Variants in TAFA5 observed in about 807,000 individuals in gnomAD.
TAFA5 encodes chemokine-like protein TAFA-5.
Under a neutral mutation model 15.3 loss-of-function variants are expected in TAFA5, and 6 were observed. That is an observed-to-expected ratio of 0.39 (90% CI 0.21 to 0.77). The LOEUF is 0.77. TAFA5 is among the 30% of genes least tolerant of loss of function. The pLI, the probability that TAFA5 is intolerant of heterozygous loss-of-function variation, is 0.41. For missense variants in TAFA5, 161 were observed against 193.1 expected, an observed-to-expected ratio of 0.83 and a Z score of 0.98; for synonymous variants, 103 against 80.7, an observed-to-expected ratio of 1.28 and a Z score of -1.48.
chr22:48,730,404 G>T (rs1858148683), intron 3 of TAFA5, among the ~76,000 whole-genome samples: 1 of 152,096 alleles, frequency 6.6e-6, no homozygotes, highest in Admixed American at 6.5e-5. Flanking sequence ...AAGAAAGAAA[G>T]AAAAGGCCAC....
chr22:48,708,594 A>G (rs906856447), intron 3 of TAFA5, among the ~76,000 whole-genome samples: 7 of 152,186 alleles, frequency 4.6e-5, no homozygotes, highest in South Asian at 2.1e-4. Context: ...GGGCATTCCC[A>G]TGAGGTGGCC....
At chr22:48,602,734 A>G (rs761011829) in intron 1 of TAFA5, among the ~76,000 whole-genome samples, 1 of 152,198 alleles carries the variant, frequency 6.6e-6, no homozygotes, top group East Asian at 1.9e-4. Context: ...GTGGCCTTGA[A>G]GTGTCCGGGA....
At position 48,663,104 on chromosome 22, in the gene TAFA5, G is replaced by GA. The variant is rs1927502753; in HGVS notation, c.262+16358_262+16359insA. 3.3e-5 allele frequency among the ~76,000 whole-genome samples: 4 copies of GA among 122,730 alleles called. No individual in the cohort carries two copies. In the South Asian group the frequency reaches 7.9e-4, roughly 24 times the overall value. The allele number at this position is 122,730 out of a possible 152,430, so 80.5% of individuals were successfully genotyped here. A position where few individuals can be genotyped will look rare whatever the true frequency, so the allele number is the denominator to read the frequency against. On this transcript the variant is annotated intron_variant, in intron 2 of 3. Transcript: ENST00000402357. ...GGATGAGCAGGGTGCTGGGCCCCTG[G>GA]GTGTCTTAGCTGCGGTTTTCTTTGG...
intron 2 of TAFA5, among the ~76,000 whole-genome samples, chr22:48,652,673 A>G (rs73173484): frequency 0.18 from 27,933 of 152,146 alleles, 2,925 homozygotes; most frequent in Non-Finnish European, 0.23. Flanking sequence ...CCCCACGTGG[A>G]GCACCGGCTT....
intron 3 of TAFA5, among the ~76,000 whole-genome samples, chr22:48,747,382 C>T (rs1367545898): frequency 6.6e-6 from 1 of 152,180 alleles, no homozygotes; most frequent in African/African-American, 2.4e-5. Flanking sequence ...TGGCTCTGCA[C>T]CTTCAGGGAG....
intron 1 of TAFA5, among the ~76,000 whole-genome samples, chr22:48,606,215 A>C (rs1925188729): frequency 6.6e-6 from 1 of 152,204 alleles, no homozygotes; most frequent in Non-Finnish European, 1.5e-5. Context: ...TCCCACCTCC[A>C]GGAATTTGTC....
intron 1 of TAFA5, among the ~76,000 whole-genome samples, chr22:48,593,919 A>G (rs1010887164): frequency 1.3e-5 from 2 of 152,212 alleles, no homozygotes; most frequent in African/African-American, 4.8e-5. Context: ...CTGCAGCCCA[A>G]GGAGACCTCA....
At chr22:48,514,575 G>T (rs548472782) in intron 1 of TAFA5, among the ~76,000 whole-genome samples, 2 of 152,042 alleles carry the variant, frequency 1.3e-5, no homozygotes, top group Non-Finnish European at 2.9e-5. Flanking sequence ...ACCGAGAACC[G>T]CCCTGCAGAC....
At chr22:48,744,607 T>C (rs1930274423) in intron 3 of TAFA5, among the ~76,000 whole-genome samples, 1 of 152,144 alleles carries the variant, frequency 6.6e-6, no homozygotes, top group Non-Finnish European at 1.5e-5. Flanking sequence ...AGACACAGCC[T>C]CCTCGTTAGA....
At chr22:48,565,304 C>T (rs1923373383) in intron 1 of TAFA5, among the ~76,000 whole-genome samples, 1 of 152,200 alleles carries the variant, frequency 6.6e-6, no homozygotes, top group South Asian at 2.1e-4. Context: ...GGAAGTGGCC[C>T]TCCTAGCGGT....
At chr22:48,749,572 G>A (rs994734578) in intron 3 of TAFA5, among the ~76,000 whole-genome samples, 7 of 152,354 alleles carry the variant, frequency 4.6e-5, no homozygotes, top group African/African-American at 1.4e-4. Flanking sequence ...GGCAAGTGGG[G>A]TGGGAAGGCC....
chr22:48,719,559 G>C (rs1025439281), intron 3 of TAFA5, among the ~76,000 whole-genome samples: 17 of 147,498 alleles, frequency 1.2e-4, no homozygotes, highest in African/African-American at 4.2e-4. Context: ...GTGGTGGGCC[G>C]AGGTGGCCTC....
At chr22:48,549,154 C>T (rs1922777485) in intron 1 of TAFA5, among the ~76,000 whole-genome samples, 2 of 152,230 alleles carry the variant, frequency 1.3e-5, no homozygotes, top group Non-Finnish European at 2.9e-5. Flanking sequence ...CGCTTCCAGC[C>T]AAAGGCAGGA....
At chr22:48,718,637 C>G (rs538787350) in intron 3 of TAFA5, among the ~76,000 whole-genome samples, 258 of 152,264 alleles carry the variant, frequency 1.7e-3, no homozygotes, top group African/African-American at 5.9e-3. Flanking sequence ...CCTTGGGGCC[C>G]CCTCCCCGCA....
At chr22:48,523,209 G>A (rs1423193765) in intron 1 of TAFA5, among the ~76,000 whole-genome samples, 2 of 152,242 alleles carry the variant, frequency 1.3e-5, no homozygotes, top group East Asian at 1.9e-4. Flanking sequence ...AGGCGGGCTC[G>A]GCTTGGTGGG....
At chr22:48,700,082 C>T (rs1317025355) in intron 2 of TAFA5, among the ~76,000 whole-genome samples, 1 of 152,166 alleles carries the variant, frequency 6.6e-6, no homozygotes, top group Non-Finnish European at 1.5e-5. Flanking sequence ...CACATGGGCC[C>T]CTGGGACAGC....
At chr22:48,616,716 G>C (rs1264987165) in intron 1 of TAFA5, among the ~76,000 whole-genome samples, 2 of 152,180 alleles carry the variant, frequency 1.3e-5, no homozygotes, top group Non-Finnish European at 2.9e-5. Flanking sequence ...TCTGTCTAGG[G>C]CTGCAGAAAG....
intron 2 of TAFA5, among the ~76,000 whole-genome samples, chr22:48,688,783 G>A (rs576320577): frequency 2.0e-5 from 3 of 152,128 alleles, no homozygotes; most frequent in African/African-American, 7.2e-5. Flanking sequence ...CTGAGGTCAG[G>A]AGTTCGAGAT....
At chr22:48,674,811 G>A (rs1300877477) in intron 2 of TAFA5, among the ~76,000 whole-genome samples, 1 of 152,196 alleles carries the variant, frequency 6.6e-6, no homozygotes, top group Non-Finnish European at 1.5e-5. Flanking sequence ...CTGGCCCGAT[G>A]CACAGTTTTA....
Sources: gnomAD v4.1 joint callset for allele counts (sites outside exome capture counted in the v4.1 genomes callset) on GRCh38, gnomAD v4.1.1 for gene constraint, MANE v1.5 for transcripts, NCBI Gene and HGNC (gene_info 2026-07-23, HGNC 2026-07-21) for gene names.